The following UBE4B variants were observed in gnomAD, a reference collection of about 807,000 sequenced individuals.
The protein encoded by UBE4B is ubiquitination factor E4B.
Under a neutral mutation model 148.1 loss-of-function variants are expected in UBE4B, and 27 were observed. The observed-to-expected ratio is 0.18, with a 90% CI of 0.13 to 0.25. The LOEUF (loss-of-function observed/expected upper bound fraction) is 0.25. Ranked by LOEUF, UBE4B falls within the 10% of genes least tolerant of loss-of-function variation. The pLI, the probability that UBE4B is intolerant of heterozygous loss-of-function variation, is 1.00. For missense variants in UBE4B, 1,170 were observed against 1,662.4 expected, an observed-to-expected ratio of 0.70 and a Z score of 5.15; for synonymous variants, 596 against 619.3, an observed-to-expected ratio of 0.96 and a Z score of 0.56.
Position 10,105,747 on chromosome 1 carries a change from C to T in UBE4B, c.809+3C>T. ...TTTGGTGCCAGCTCTTTGTCTAGGT[C>T]AGTGTGGTTCTCTTTGCACATCTTA... On this transcript the variant is annotated splice_donor_region_variant and intron_variant, in intron 6 of 27. Coordinates refer to ENST00000343090, the MANE Select transcript of UBE4B (RefSeq NM_001105562.3). 1 of 1,612,748 alleles carries T rather than the reference C, an allele frequency of 6.2e-7. No homozygotes were observed. The highest frequency in any genetic ancestry group is 8.5e-7 in the Non-Finnish European group (1 of 1,179,780).
intron 1 of UBE4B, chr1:10,054,783 CT>C (rs1249879519): frequency 0.065 from 8,117 of 125,442 alleles, 346 homozygotes; most frequent in African/African-American, 0.18. Flanking sequence ...TATCTTTCTC[CT>C]TTTTTTTTTT....
intron 25 of UBE4B, among the ~76,000 whole-genome samples, chr1:10,175,211 T>C (rs894860418): frequency 2.6e-5 from 4 of 151,976 alleles, no homozygotes; most frequent in African/African-American, 7.3e-5. Context: ...AGGACCAGGA[T>C]AGGGAGATGT....
chr1:10,086,976 C>T (rs547945112), intron 2 of UBE4B, among the ~76,000 whole-genome samples: 32 of 152,144 alleles, frequency 2.1e-4, no homozygotes, highest in Non-Finnish European at 4.3e-4. Context: ...CTGGCCTCCC[C>T]GTCTCTTTTT....
intron 7 of UBE4B, among the ~76,000 whole-genome samples, chr1:10,110,435 A>T (rs1645198817): frequency 6.6e-6 from 1 of 152,210 alleles, no homozygotes; most frequent in Non-Finnish European, 1.5e-5. Context: ...GGCTTAATGC[A>T]TGGGTGATGA....
intron 20 of UBE4B, among the ~76,000 whole-genome samples, chr1:10,149,489 C>T (rs1645935737): frequency 6.6e-6 from 1 of 152,136 alleles, no homozygotes; most frequent in South Asian, 2.1e-4. Flanking sequence ...GCAGGATTAA[C>T]AGTGCAGATA....
intron 3 of UBE4B, among the ~76,000 whole-genome samples, 185 bp downstream of exon 3, chr1:10,095,781 G>A (rs1644920145): frequency 1.3e-5 from 2 of 152,024 alleles, no homozygotes; most frequent in African/African-American, 4.8e-5. Context: ...TCATACTTTT[G>A]TTGCTGTTGA....
At chr1:10,038,597 C>T (rs1317648441) in intron 1 of UBE4B, among the ~76,000 whole-genome samples, 2 of 152,174 alleles carry the variant, frequency 1.3e-5, no homozygotes, top group Non-Finnish European at 1.5e-5. Context: ...CGAAAGTCCT[C>T]TTTATTCTAC....
At chr1:10,071,546 A>C (rs886066613) in intron 1 of UBE4B, among the ~76,000 whole-genome samples, 1 of 152,198 alleles carries the variant, frequency 6.6e-6, no homozygotes, top group African/African-American at 2.4e-5. Context: ...TATGATTGAA[A>C]TACTGCACTC....
intron 1 of UBE4B, among the ~76,000 whole-genome samples, chr1:10,034,100 G>T (rs891222920): frequency 6.6e-6 from 1 of 152,200 alleles, no homozygotes; most frequent in African/African-American, 2.4e-5. Context: ...TATTTTTAAA[G>T]AAAGCATTTG....
At chr1:10,167,846 C>T (rs1010471151) in intron 23 of UBE4B, among the ~76,000 whole-genome samples, 3 of 152,090 alleles carry the variant, frequency 2.0e-5, no homozygotes, top group South Asian at 2.1e-4. Context: ...ACCTTGGCTT[C>T]GCAAAGTGCT....
chr1:10,047,488 CTTTTTT>C (rs952378949), intron 1 of UBE4B, among the ~76,000 whole-genome samples: 2 of 116,028 alleles, frequency 1.7e-5, no homozygotes, highest in East Asian at 2.6e-4. Context: ...CTTCATATAT[CTTTTTT>C]TTTTTTTTTT....
chr1:10,056,137 C>T (rs1268542466), intron 1 of UBE4B, among the ~76,000 whole-genome samples: 2 of 152,200 alleles, frequency 1.3e-5, no homozygotes, highest in Admixed American at 6.5e-5. Flanking sequence ...AATTATTCTA[C>T]ACTCAGCATG....
rs1645459477 is a variant in UBE4B, at chr1:10,124,408, G to C, written c.1554+2332G>C. Among the ~76,000 whole-genome samples the C allele has an allele frequency of 1.3e-5, 2 of 152,058 alleles. 1 individual carries two copies. The highest frequency in any genetic ancestry group is 4.1e-4 in the South Asian group (2 of 4,828). On this transcript the variant is annotated intron_variant, in intron 10 of 27. Coordinates refer to ENST00000343090, the MANE Select transcript of UBE4B (RefSeq NM_001105562.3). ...AACTCTTGGCCTCAAGGCTGGTCTT[G>C]AACTCTTGGCCTCAAGTGGTCCGCC...
intron 16 of UBE4B, 23 bp downstream of exon 16, chr1:10,135,209 G>T (rs374463484): frequency 1.2e-6 from 2 of 1,600,528 alleles, no homozygotes; most frequent in African/African-American, 1.3e-5. Context: ...TTCGTGACTC[G>T]GTCATTAAAA....
At chr1:10,162,897 A>AT (rs1163571664) in intron 23 of UBE4B, among the ~76,000 whole-genome samples, 2 of 151,958 alleles carry the variant, frequency 1.3e-5, no homozygotes, top group Admixed American at 1.3e-4. Context: ...AGTTCTACCC[A>AT]TTCTCTGAGT....
chr1:10,036,768 A>G (rs1570754839), intron 1 of UBE4B, among the ~76,000 whole-genome samples: 1 of 152,116 alleles, frequency 6.6e-6, no homozygotes, highest in Non-Finnish European at 1.5e-5. Context: ...ATGGTAGGTG[A>G]CATTGATTTG....
intron 1 of UBE4B, among the ~76,000 whole-genome samples, chr1:10,055,695 A>G (rs960926368): frequency 2.0e-5 from 3 of 152,136 alleles, no homozygotes; most frequent in Non-Finnish European, 2.9e-5. Context: ...CAAGGTGGGC[A>G]GATCACTTGA....
At position 10,171,257 on chromosome 1, in the gene UBE4B, G is replaced by T. The variant is rs1359421476; in HGVS notation, c.3453G>T (p.Leu1151=). The change falls in exon 25 of 28, where the codon CTG becomes CTT. Residue 1151 remains leucine (L), a synonymous_variant. Coordinates refer to ENST00000343090, the MANE Select transcript of UBE4B (RefSeq NM_001105562.3). ...AATACGGCTTTGAACCAAAGAAGCTGTTGGACCAACTGACGGATATTTACT... is the reference window on the plus strand; with the variant it reads ...AATACGGCTTTGAACCAAAGAAGCTTTTGGACCAACTGACGGATATTTACT... The part of the protein sequence containing the change: ...PEKYGFEPKK[L]LDQLTDIYLQ... The T allele has an allele frequency of 6.2e-7, 1 of 1,614,250 alleles. No homozygotes were observed. Among genetic ancestry groups the T allele is most frequent in the Non-Finnish European group, 8.5e-7 (1 of 1,180,042 alleles).
In UBE4B at chr1:10,106,711, G is replaced by A. The variant is rs1401273122; in HGVS notation, c.1196+128G>A. The A allele has an allele frequency of 2.4e-6, 3 of 1,264,692 alleles. No homozygotes were observed. The highest frequency in any genetic ancestry group is 3.1e-6 in the Non-Finnish European group (3 of 958,198). The allele number at this position is 1,264,692 out of a possible 1,614,324, so 78.3% of individuals were successfully genotyped here. A position where few individuals can be genotyped will look rare whatever the true frequency, so the allele number is the denominator to read the frequency against. On this transcript the variant is annotated intron_variant, in intron 7 of 27. Coordinates refer to ENST00000343090, the MANE Select transcript of UBE4B (RefSeq NM_001105562.3). The surrounding 1 kb of genome is among the most constrained non-coding windows in gnomAD (Gnocchi z 4.2). ...TTGTTTTGGGTTATTAACCTGTGTG[G>A]CTAACTAGTTTGGTAGGCACGTACT...
Sources: allele counts gnomAD v4.1 joint callset (sites outside exome capture counted in the v4.1 genomes callset), GRCh38; gene constraint gnomAD v4.1.1; non-coding constraint Gnocchi (gnomAD v3.1); transcripts MANE v1.5; gene names NCBI Gene and HGNC (gene_info 2026-07-23, HGNC 2026-07-21).